ZNF804A: variants seen among roughly 807,000 people sequenced by gnomAD.
ZNF804A encodes the protein zinc finger protein 804A.
A neutral mutation model predicts 16.5 loss-of-function variants in ZNF804A; 2 were observed. That is an observed-to-expected ratio of 0.12 (90% CI 0.05 to 0.38). The LOEUF (loss-of-function observed/expected upper bound fraction) is 0.38, where lower values mean the gene tolerates loss of function less well. Among genes scored for constraint, ZNF804A ranks in the 10% least tolerant of loss-of-function variants. The probability of loss-of-function intolerance (pLI) is 0.99; values close to 1 mark genes in which losing one functional copy is unlikely to be tolerated. For synonymous variants in ZNF804A, 534 were observed against 489.6 expected, an observed-to-expected ratio of 1.09 and a Z score of -1.20; for missense variants, 1,473 against 1,390.7, an observed-to-expected ratio of 1.06 and a Z score of -0.94.
intron 2 of ZNF804A, among the ~76,000 whole-genome samples, chr2:184,926,310 T>C (rs781680195): frequency 1.3e-5 from 2 of 151,782 alleles, no homozygotes; most frequent in Non-Finnish European, 2.9e-5. Flanking sequence ...TTAAGCACTT[T>C]AAATACATCA....
chr2:184,873,072 G>A (rs1695999011), intron 2 of ZNF804A, among the ~76,000 whole-genome samples: 1 of 152,072 alleles, frequency 6.6e-6, no homozygotes, highest in Non-Finnish European at 1.5e-5. Context: ...TCTTCATAGA[G>A]TAAACAAACA....
At position 184,936,282 on chromosome 2, in the gene ZNF804A, A is replaced by G. The variant is rs377075433; in HGVS notation, c.886A>G (p.Ile296Val). 3.8e-5 allele frequency: 62 copies of G among 1,613,834 alleles called. No homozygotes were observed. The highest frequency in any genetic ancestry group is 3.6e-5 in the Non-Finnish European group (43 of 1,179,952). ...CAAAGAAACTGTTCAAACTCAAGAGATAAAAGAAGTCTCTAGTGAAAAAGA... is the reference window on the plus strand; with the variant it reads ...CAAAGAAACTGTTCAAACTCAAGAGGTAAAAGAAGTCTCTAGTGAAAAAGA... ...RDKETVQTQE[I>V]KEVSSEKDAL... Residue 296 changes from isoleucine (I) to valine (V), a missense_variant, in exon 4 of 4, where the codon ATA (isoleucine) becomes GTA (valine). By Grantham distance (29) the Ile-to-Val change is conservative. Transcript: ENST00000302277.
At chr2:184,900,466 T>C (rs898241501) in intron 2 of ZNF804A, among the ~76,000 whole-genome samples, 5 of 152,098 alleles carry the variant, frequency 3.3e-5, no homozygotes, top group Admixed American at 2.0e-4. Flanking sequence ...CAACACTACA[T>C]ACCTGTTATA....
chr2:184,695,607 G>A (rs1279089091), intron 1 of ZNF804A, among the ~76,000 whole-genome samples: 3 of 151,570 alleles, frequency 2.0e-5, no homozygotes, highest in Admixed American at 2.0e-4. Context: ...TTGTAGAGAT[G>A]GGGTCTTGCC....
chr2:184,615,478 C>T (rs1472260305), intron 1 of ZNF804A, among the ~76,000 whole-genome samples: 4 of 152,100 alleles, frequency 2.6e-5, no homozygotes, highest in Non-Finnish European at 5.9e-5. Context: ...TTAACTCTCA[C>T]AATTAATTTG....
intron 1 of ZNF804A, among the ~76,000 whole-genome samples, chr2:184,849,968 GAA>G (rs1695576858): frequency 6.6e-6 from 1 of 151,912 alleles, no homozygotes; most frequent in African/African-American, 2.4e-5. Flanking sequence ...GGGAGGCACG[GAA>G]AGAGAAATTG....
chr2:184,805,597 A>C (rs558469113), intron 1 of ZNF804A, among the ~76,000 whole-genome samples: 2 of 152,140 alleles, frequency 1.3e-5, no homozygotes, highest in Admixed American at 1.3e-4. Flanking sequence ...AAAAACAGTC[A>C]CTTTATTTTT....
intron 1 of ZNF804A, among the ~76,000 whole-genome samples, chr2:184,647,999 A>C (rs1691911483): frequency 6.6e-6 from 1 of 152,176 alleles, no homozygotes; most frequent in Non-Finnish European, 1.5e-5. Context: ...AGCTCAAATA[A>C]TGTACAAAGG....
At chr2:184,615,466 C>T (rs1691304447) in intron 1 of ZNF804A, among the ~76,000 whole-genome samples, 1 of 152,144 alleles carries the variant, frequency 6.6e-6, no homozygotes, top group Non-Finnish European at 1.5e-5. Context: ...ATGACACTGC[C>T]TTTAACTCTC....
intron 1 of ZNF804A, among the ~76,000 whole-genome samples, chr2:184,653,429 A>G (rs944978491): frequency 4.6e-5 from 7 of 152,146 alleles, no homozygotes; most frequent in African/African-American, 1.7e-4. Context: ...CCTCAGAAGA[A>G]AGTATTTTAC....
At chr2:184,904,165 A>G (rs2105828651) in intron 2 of ZNF804A, among the ~76,000 whole-genome samples, 1 of 152,220 alleles carries the variant, frequency 6.6e-6, no homozygotes, top group South Asian at 2.1e-4. Flanking sequence ...TTAAACTAGG[A>G]GGTGAATTAC....
chr2:184,790,793 C>T (rs1694527899), intron 1 of ZNF804A, among the ~76,000 whole-genome samples: 1 of 151,948 alleles, frequency 6.6e-6, no homozygotes, highest in African/African-American at 2.4e-5. Context: ...TTAGTAGAGA[C>T]AGGGTTTCAC....
chr2:184,828,339 T>G (rs895361269), intron 1 of ZNF804A, among the ~76,000 whole-genome samples: 9 of 151,830 alleles, frequency 5.9e-5, no homozygotes, highest in Non-Finnish European at 4.4e-5. Flanking sequence ...AAAATAAAAC[T>G]ATGAAATAAC....
In ZNF804A at chr2:184,641,009, C is replaced by T. The variant is rs556552308; in HGVS notation, c.111+41939C>T. 3.2e-4 allele frequency among the ~76,000 whole-genome samples: 48 copies of T among 152,232 alleles called. No homozygotes were observed. In the South Asian group the frequency reaches 9.3e-3, roughly 30 times the overall value. ...TTGCTCTGTCGCTCAGGCTGGAGTG[C>T]GGTGGCACAATCTTGGCTCACTGCA... On this transcript the variant is annotated intron_variant, in intron 1 of 3. Coordinates refer to ENST00000302277, the MANE Select transcript of ZNF804A (RefSeq NM_194250.2).
chr2:184,938,282 A>G lies in ZNF804A; in HGVS notation c.2886A>G (p.Arg962=). Reference sequence around the variant, plus strand: ...TGCCTAATATTGAAAGGAACTTTAGACAGTCACAGCCTAAATCCTATCTTT... The same window carrying G: ...TGCCTAATATTGAAAGGAACTTTAGGCAGTCACAGCCTAAATCCTATCTTT... The part of the protein sequence containing the change: ...FQVPNIERNF[R]QSQPKSYLCH... The change falls in exon 4 of 4, where the codon AGA becomes AGG. Residue 962 remains arginine (R), a synonymous_variant. Coordinates refer to ENST00000302277, the MANE Select transcript of ZNF804A (RefSeq NM_194250.2). 1 of 1,614,164 alleles carries G rather than the reference A, an allele frequency of 6.2e-7. No individual in the cohort carries two copies. The highest frequency in any genetic ancestry group is 8.5e-7 in the Non-Finnish European group (1 of 1,180,026).
At chr2:184,917,656 A>G (rs1435582877) in intron 2 of ZNF804A, among the ~76,000 whole-genome samples, 1 of 152,084 alleles carries the variant, frequency 6.6e-6, no homozygotes, top group Non-Finnish European at 1.5e-5. Flanking sequence ...TAGTTTATAA[A>G]TTAAACTATC....
rs140194202 is a variant in ZNF804A, at chr2:184,884,948, T to C, written c.255+18436T>C. On this transcript the variant is annotated intron_variant, in intron 2 of 3. Coordinates refer to ENST00000302277, the MANE Select transcript of ZNF804A (RefSeq NM_194250.2). ...GAAGAAAACACTTGCAAACTATGCA[T>C]CTGAAAACAGTCTAATATCCAGAAT... is the stretch of plus-strand genomic sequence containing the variant. 3.4e-3 allele frequency among the ~76,000 whole-genome samples: 521 copies of C among 152,222 alleles called. 2 individuals carry two copies. Among genetic ancestry groups the C allele is most frequent in the African/African-American group, 0.012 (492 of 41,538 alleles).
At chr2:184,775,690 T>C (rs1558958301) in intron 1 of ZNF804A, among the ~76,000 whole-genome samples, 2 of 151,674 alleles carry the variant, frequency 1.3e-5, no homozygotes, top group Non-Finnish European at 3.0e-5. Flanking sequence ...ATATTTTAAT[T>C]ATCCACGGAA....
At chr2:184,835,852 C>A (rs897812187) in intron 1 of ZNF804A, among the ~76,000 whole-genome samples, 4 of 152,016 alleles carry the variant, frequency 2.6e-5, no homozygotes, top group Non-Finnish European at 5.9e-5. Context: ...TGTGGAAAAG[C>A]ACTCAAGAAA....
Sources: gnomAD v4.1 joint callset for allele counts (sites outside exome capture counted in the v4.1 genomes callset) on GRCh38, gnomAD v4.1.1 for gene constraint, MANE v1.5 for transcripts, NCBI Gene and HGNC (gene_info 2026-07-23, HGNC 2026-07-21) for gene names.